The following ATP1B3 variants were observed in gnomAD, a reference collection of about 807,000 sequenced individuals.
ATP1B3 encodes the protein ATPase Na+/K+ transporting subunit beta 3.
A neutral mutation model predicts 30.2 loss-of-function variants in ATP1B3; 10 were observed. That is an observed-to-expected ratio of 0.33 (90% CI 0.20 to 0.56). The LOEUF (loss-of-function observed/expected upper bound fraction) is 0.56. Ranked by LOEUF, ATP1B3 falls within the 20% of genes least tolerant of loss-of-function variation. The probability of loss-of-function intolerance (pLI) is 0.90; values close to 1 mark genes in which losing one functional copy is unlikely to be tolerated. For synonymous variants in ATP1B3, 113 were observed against 117.0 expected, an observed-to-expected ratio of 0.97 and a Z score of 0.22; for missense variants, 238 against 336.7, an observed-to-expected ratio of 0.71 and a Z score of 2.29.
chr3:141,880,278 T>C (rs138341612), intron 1 of ATP1B3, among the ~76,000 whole-genome samples: 30 of 152,336 alleles, frequency 2.0e-4, no homozygotes, highest in African/African-American at 6.7e-4. Flanking sequence ...TTGGCTAATA[T>C]CTTACAGGTG....
chr3:141,908,946 A>C (rs1934309026), intron 3 of ATP1B3, among the ~76,000 whole-genome samples: 1 of 152,138 alleles, frequency 6.6e-6, no homozygotes. Context: ...CTTTCACCTG[A>C]GGCCACCTGT....
chr3:141,882,743 C>T (rs546324230), intron 1 of ATP1B3, among the ~76,000 whole-genome samples: 2 of 152,318 alleles, frequency 1.3e-5, no homozygotes, highest in African/African-American at 4.8e-5. Context: ...GCTACCATGC[C>T]TAGCTAATTT....
chr3:141,917,619 G>C lies in ATP1B3; in HGVS notation c.582+1599G>C, dbSNP rs571194490. ...GGAGGCAAAGGAACCGCTTGAACCT[G>C]GGAGGTGGAGGTTGCAGTGAGCTGA... On this transcript the variant is annotated intron_variant, in intron 5 of 6. Coordinates refer to ENST00000286371, the MANE Select transcript of ATP1B3 (RefSeq NM_001679.4). Among the ~76,000 whole-genome samples the C allele has an allele frequency of 7.9e-3, 1,206 of 151,988 alleles. 19 individuals are homozygous for C. Among genetic ancestry groups the C allele is most frequent in the Non-Finnish European group, 6.8e-3 (463 of 67,964 alleles).
chr3:141,913,074 A>G (rs1934393355), intron 3 of ATP1B3, among the ~76,000 whole-genome samples: 1 of 151,958 alleles, frequency 6.6e-6, no homozygotes, highest in Non-Finnish European at 1.5e-5. Context: ...ACCCACCCAC[A>G]CCCCTCAAAA....
chr3:141,905,750 G>C (rs1934253006), intron 2 of ATP1B3, among the ~76,000 whole-genome samples: 1 of 152,014 alleles, frequency 6.6e-6, no homozygotes. Context: ...CTATTTAAGT[G>C]ATGTGACTTA....
At chr3:141,885,429 T>A (rs1036679870) in intron 1 of ATP1B3, among the ~76,000 whole-genome samples, 4 of 151,754 alleles carry the variant, frequency 2.6e-5, no homozygotes, top group African/African-American at 9.7e-5. Context: ...TGCCTTTTCT[T>A]TTTTCTTTTC....
chr3:141,920,567 C>A (rs1934549078), intron 5 of ATP1B3, among the ~76,000 whole-genome samples: 2 of 151,868 alleles, frequency 1.3e-5, no homozygotes, highest in South Asian at 4.2e-4. Context: ...CTCCAAGATA[C>A]TCAGTAAACT....
intron 1 of ATP1B3, among the ~76,000 whole-genome samples, chr3:141,896,891 A>G (rs1481430661): frequency 6.6e-6 from 1 of 151,864 alleles, no homozygotes; most frequent in African/African-American, 2.4e-5. Context: ...TGAATGTGTG[A>G]TAATTATTGG....
rs767695591 is a variant in ATP1B3, at chr3:141,876,765, C to T, written c.-37C>T. 1.2e-5 allele frequency: 19 copies of T among 1,548,264 alleles called. No individual in the cohort carries two copies. Among genetic ancestry groups the T allele is most frequent in the Admixed American group, 1.7e-5 (1 of 57,636 alleles). On this transcript the variant is annotated 5_prime_UTR_variant, in exon 1 of 7. Coordinates refer to ENST00000286371, the MANE Select transcript of ATP1B3 (RefSeq NM_001679.4). ...CCGCAGCCCTCGCCGCCTCCATCCCCGCGGCCGCAGCTCCTCTCGCCGTCC... is the reference window on the plus strand; with the variant it reads ...CCGCAGCCCTCGCCGCCTCCATCCCTGCGGCCGCAGCTCCTCTCGCCGTCC...
chr3:141,923,518 CCTTT>C (rs1336219652), intron 6 of ATP1B3, among the ~76,000 whole-genome samples: 1 of 152,160 alleles, frequency 6.6e-6, no homozygotes, highest in Non-Finnish European at 1.5e-5. Flanking sequence ...GAAATAAATT[CCTTT>C]CTTTATAAAT....
intron 1 of ATP1B3, among the ~76,000 whole-genome samples, chr3:141,888,963 G>T (rs1304760391): frequency 6.6e-6 from 1 of 152,068 alleles, no homozygotes; most frequent in Non-Finnish European, 1.5e-5. Context: ...CATGAGAAGA[G>T]ACTAATACAC....
chr3:141,916,275 T>A, intron 5 of ATP1B3: 2 of 501,864 alleles, frequency 4.0e-6, no homozygotes, highest in South Asian at 1.6e-5. Context: ...ATTCTAAGAT[T>A]CACTTTTTTT....
rs1249793706 is a variant in ATP1B3 at position 141,925,471 on chromosome 3, T to TA, written c.670-59dup. 4.0e-6 allele frequency: 6 copies of TA among 1,516,080 alleles called. No homozygotes were observed. The African/African-American group carries it at 7.0e-5, about 18-fold the overall frequency. 93.9% of individuals were successfully genotyped at this position (1,516,080 alleles called of 1,614,324 possible). A position where few individuals can be genotyped will look rare whatever the true frequency, so the allele number is the denominator to read the frequency against. On this transcript the variant is annotated intron_variant, in intron 6 of 6. Transcript: ENST00000286371. ...ATTTACAGAATAAGCCAATTCCTGG[T>TA]AGAGAGAAGTATTAAGTTTCCATAG...
intron 1 of ATP1B3, chr3:141,902,319 G>T (rs1163395731): frequency 1.1e-6 from 1 of 917,962 alleles, no homozygotes; most frequent in African/African-American, 1.7e-5. Context: ...GGGGTTGGGG[G>T]TGATTCCTGC....
At position 141,913,671 on chromosome 3, in the gene ATP1B3, G is replaced by A; in HGVS notation, c.366G>A (p.Gln122=). 6.2e-7 allele frequency: 1 copy of A among 1,611,612 alleles called. No homozygotes were observed. The highest frequency in any genetic ancestry group is 8.5e-7 in the Non-Finnish European group (1 of 1,179,498). ...KFLKPYTLEE[Q]KNLTVCPDGA... ...TTTTAGCATATACTTTAGAAGAACA[G>A]AAGAACCTCACAGTCTGTCCTGATG... Residue 122 remains glutamine (Q), a synonymous_variant, in exon 4 of 7, where the codon CAG becomes CAA. Coordinates refer to ENST00000286371, the MANE Select transcript of ATP1B3 (RefSeq NM_001679.4).
chr3:141,908,871 C>T (rs1414604160), intron 3 of ATP1B3, among the ~76,000 whole-genome samples: 1 of 152,198 alleles, frequency 6.6e-6, no homozygotes, highest in Non-Finnish European at 1.5e-5. Context: ...ACCAGTAAAA[C>T]AAATCTACAA....
intron 4 of ATP1B3, 36 bp from the exon 5 acceptor site, chr3:141,915,934 G>T (rs762785935): frequency 6.4e-7 from 1 of 1,553,246 alleles, no homozygotes; most frequent in Non-Finnish European, 8.8e-7. Flanking sequence ...GCATACTTAC[G>T]TGAAGTTTAA....
Position 141,894,649 on chromosome 3 carries a change from T to C in ATP1B3, c.110-8971T>C, listed in dbSNP as rs530706439. On this transcript the variant is annotated intron_variant, in intron 1 of 6. Transcript: ENST00000286371. The stretch of plus-strand genomic sequence containing the variant: ...CTAGACCTACACAGAGTCAGAATCA[T>C]CAGTATCACCGTCTTCCACCTTCAT... Among the ~76,000 whole-genome samples the C allele has an allele frequency of 5.3e-5, 8 of 152,272 alleles. No individual in the cohort carries two copies. The South Asian group carries it at 1.5e-3, about 28-fold the overall frequency.
intron 6 of ATP1B3, among the ~76,000 whole-genome samples, chr3:141,922,991 A>G (rs1464268451): frequency 6.7e-6 from 1 of 150,342 alleles, no homozygotes; most frequent in African/African-American, 2.5e-5. Flanking sequence ...TCAAAAGCTC[A>G]TTGCGGCCGG....
Sources: gnomAD v4.1 joint callset for allele counts (sites outside exome capture counted in the v4.1 genomes callset) on GRCh38, gnomAD v4.1.1 for gene constraint, MANE v1.5 for transcripts, NCBI Gene and HGNC (gene_info 2026-07-23, HGNC 2026-07-21) for gene names.